The following ZNF548 variants were observed in gnomAD, a reference collection of about 807,000 sequenced individuals.
ZNF548 encodes the protein zinc finger protein 548.
In ZNF548, 10 loss-of-function variants were observed where a neutral mutation model predicts 10.2. The observed-to-expected ratio is 0.98, with a 90% CI of 0.60 to 1.66. ZNF548 has a LOEUF of 1.66. ZNF548 is among the 40% of genes most tolerant of loss of function. The pLI is 0.00. For missense variants in ZNF548, 599 were observed against 657.0 expected (o/e 0.91, Z 0.97); for synonymous variants, 217 against 223.5 (o/e 0.97, Z 0.26).
rs1365101937 is a variant in ZNF548 at position 57,395,825 on chromosome 19, T to C, written c.52-1223T>C. Among the ~76,000 whole-genome samples, 1 of 152,138 alleles carries C rather than the reference T, an allele frequency of 6.6e-6. No homozygotes were observed. Among genetic ancestry groups the C allele is most frequent in the Non-Finnish European group, 1.5e-5 (1 of 68,030 alleles). ...AGGTTTTGGTGGAGAGCAATTTTCC[T>C]GACTGTTTATGGGACAGAGTGTACC... is the stretch of plus-strand genomic sequence containing the variant. On this transcript the variant is annotated intron_variant, in intron 2 of 3. Transcript: ENST00000336128. The surrounding 1 kb of genome is among the most constrained non-coding windows in gnomAD (Gnocchi z 4.8).
chr19:57,397,296 C>A (rs2088673797), intron 3 of ZNF548, 122 bp downstream of exon 3: 2 of 1,383,988 alleles, frequency 1.4e-6, no homozygotes, highest in Non-Finnish European at 1.9e-6. Context: ...TGTTTCTTGG[C>A]ATATATGCTG....
At position 57,399,700 on chromosome 19, in the gene ZNF548, C is replaced by T; in HGVS notation, c.1449C>T (p.His483=). 2 of 1,614,118 alleles carry T rather than the reference C, an allele frequency of 1.2e-6. No individual in the cohort carries two copies. The highest frequency in any genetic ancestry group is 8.5e-7 in the Non-Finnish European group (1 of 1,179,972). Residue 483 remains histidine (H), a synonymous_variant, in exon 4 of 4, where the codon CAC becomes CAT. Coordinates refer to ENST00000336128, the MANE Select transcript of ZNF548 (RefSeq NM_001172773.2). This position sits in a 1 kb window ranked among gnomAD's most constrained non-coding sequence, Gnocchi z 4.0. ...TACTTGTTGAGCACCAGAAAATCCA[C>T]AGTGGAGAAAGACCTTATGAGTGCA... is the stretch of plus-strand genomic sequence containing the variant. ...KHILVEHQKI[H]SGERPYECSE...
chr19:57,393,478 T>C (rs2088641215), intron 1 of ZNF548, among the ~76,000 whole-genome samples: 2 of 150,788 alleles, frequency 1.3e-5, no homozygotes, highest in African/African-American at 4.9e-5. Flanking sequence ...CTGACCAACA[T>C]GGAGAAACCC....
chr19:57,398,586 T>C lies in ZNF548; in HGVS notation c.335T>C (p.Val112Ala). 1.2e-6 allele frequency: 2 copies of C among 1,614,066 alleles called. No homozygotes were observed. The highest frequency in any genetic ancestry group is 2.2e-5 in the East Asian group (1 of 44,890). The change falls in exon 4 of 4, where the codon GTT (valine) becomes GCT (alanine). Residue 112 changes from valine to alanine, a missense_variant. By Grantham distance (64) the Val-to-Ala change is moderately conservative. Coordinates refer to ENST00000336128, the MANE Select transcript of ZNF548 (RefSeq NM_001172773.2). ...GPPLKDILCL[V>A]EHNGIHPEQH... ...CCCTTGAAAGACATTCTGTGCCTGGTTGAGCACAATGGAATTCATCCTGAG... is the reference window on the plus strand; with the variant it reads ...CCCTTGAAAGACATTCTGTGCCTGGCTGAGCACAATGGAATTCATCCTGAG...
Position 57,399,370 on chromosome 19 carries a change from A to C in ZNF548, c.1119A>C (p.Gly373=). 1 of 1,614,168 alleles carries C rather than the reference A, an allele frequency of 6.2e-7. No individual in the cohort carries two copies. Among genetic ancestry groups the C allele is most frequent in the Non-Finnish European group, 8.5e-7 (1 of 1,180,010 alleles). ...TLIRHQRIHT[G]ERPYECSVCG... ...TTAGACATCAGAGAATTCACACTGG[A>C]GAAAGGCCTTATGAGTGCAGTGTAT... Residue 373 remains glycine (G), a synonymous_variant, in exon 4 of 4, where the codon GGA becomes GGC. Coordinates refer to ENST00000336128, the MANE Select transcript of ZNF548 (RefSeq NM_001172773.2). The surrounding 1 kb of genome is among the most constrained non-coding windows in gnomAD (Gnocchi z 4.0).
chr19:57,396,367 C>T (rs2088664548), intron 2 of ZNF548, among the ~76,000 whole-genome samples: 1 of 152,156 alleles, frequency 6.6e-6, no homozygotes, highest in African/African-American at 2.4e-5. Flanking sequence ...CATCTGTTTC[C>T]TCTGTGTGCT....
In ZNF548 at chr19:57,400,872, G is replaced by GT. The variant is rs993646392; in HGVS notation, c.*989dup. The GT allele has an allele frequency of 3.5e-4, 53 of 152,226 alleles. No individual in the cohort carries two copies. Among genetic ancestry groups the GT allele is most frequent in the African/African-American group, 1.2e-3 (48 of 41,544 alleles). The allele number at this position is 152,226 out of a possible 1,614,324, so 9.4% of individuals were successfully genotyped here. A position where few individuals can be genotyped will look rare whatever the true frequency, so the allele number is the denominator to read the frequency against. On this transcript the variant is annotated 3_prime_UTR_variant, in exon 4 of 4. Coordinates refer to ENST00000336128, the MANE Select transcript of ZNF548 (RefSeq NM_001172773.2). The stretch of plus-strand genomic sequence containing the variant: ...TTCATTTTCTATTTCTGTTTTTGGG[G>GT]TTTTTTGTAGTGCCTTTTGTTTTGG...
At position 57,400,437 on chromosome 19, in the gene ZNF548, T is replaced by G. The variant is rs8100473; in HGVS notation, c.*548T>G. On this transcript the variant is annotated 3_prime_UTR_variant, in exon 4 of 4. Coordinates refer to ENST00000336128, the MANE Select transcript of ZNF548 (RefSeq NM_001172773.2). Reference sequence around the variant, plus strand: ...ATCATATAGGATTTCTATTTTTTTTTTTTGTTTGTTTTTGAGACAGAGTCT... The same window carrying G: ...ATCATATAGGATTTCTATTTTTTTTGTTTGTTTGTTTTTGAGACAGAGTCT... 0.23 allele frequency: 34,759 copies of G among 152,424 alleles called. 4,022 individuals are homozygous for G. The highest frequency in any genetic ancestry group is 0.27 in the Middle Eastern group (81 of 296). 9.4% of individuals were successfully genotyped at this position (152,424 alleles called of 1,614,324 possible).
In ZNF548 at chr19:57,400,904, G is replaced by C. The variant is rs951545832; in HGVS notation, c.*1015G>C. 2 of 152,112 alleles carry C rather than the reference G, an allele frequency of 1.3e-5. No homozygotes were observed. The highest frequency in any genetic ancestry group is 4.8e-5 in the African/African-American group (2 of 41,402). The allele number at this position is 152,112 out of a possible 1,614,324, so 9.4% of individuals were successfully genotyped here. On this transcript the variant is annotated 3_prime_UTR_variant, in exon 4 of 4. Coordinates refer to ENST00000336128, the MANE Select transcript of ZNF548 (RefSeq NM_001172773.2). ...GTAGTGCCTTTTGTTTTGGATAGCA[G>C]CTATCTTGTTGGATGTGAGGTGGAA...
At chr19:57,391,666 G>A (rs952162652) in intron 1 of ZNF548, among the ~76,000 whole-genome samples, 1 of 151,974 alleles carries the variant, frequency 6.6e-6, no homozygotes, top group Non-Finnish European at 1.5e-5. Context: ...TCTGACTGGT[G>A]TAAGGAGATA....
At chr19:57,392,781 T>A in intron 1 of ZNF548, 10 of 985,406 alleles carry the variant, frequency 1.0e-5, no homozygotes, top group Non-Finnish European at 1.2e-5. Context: ...TTGAGGGAAA[T>A]CTTGAGGTTG....
At chr19:57,397,022 T>G in intron 2 of ZNF548, 26 bp from the exon 3 acceptor site, 1 of 1,592,906 alleles carries the variant, frequency 6.3e-7, no homozygotes. Context: ...AAGCTGCTTA[T>G]GTATTCATCT....
In ZNF548 at chr19:57,400,019, T is replaced by A. The variant is rs2088702493; in HGVS notation, c.*130T>A. On this transcript the variant is annotated 3_prime_UTR_variant, in exon 4 of 4. Coordinates refer to ENST00000336128, the MANE Select transcript of ZNF548 (RefSeq NM_001172773.2). ...CAACAACTCATTCCCCTTCCCTACTTCCCCAGAAATGTCTCAACTATATTT... is the reference window on the plus strand; with the variant it reads ...CAACAACTCATTCCCCTTCCCTACTACCCCAGAAATGTCTCAACTATATTT... The A allele has an allele frequency of 2.9e-6, 2 of 688,582 alleles. No homozygotes were observed. The highest frequency in any genetic ancestry group is 4.1e-4 in the Middle Eastern group (1 of 2,464). 42.7% of individuals were successfully genotyped at this position (688,582 alleles called of 1,614,324 possible).
rs1156280228 is a variant in ZNF548, at chr19:57,390,187, A to T, written c.15+73A>T. ...CTGAAGCCCCCTGAAGGGGCCCTGC[A>T]GGTCAGGCCCCTTGTCCCGAAGAGA... On this transcript the variant is annotated intron_variant, in intron 1 of 3. Transcript: ENST00000336128. 3.3e-6 allele frequency: 5 copies of T among 1,535,732 alleles called. No homozygotes were observed. In the Admixed American group the frequency reaches 9.1e-5, roughly 28 times the overall value.
In ZNF548 at chr19:57,402,751, T is replaced by C. The variant is rs1464506252; in HGVS notation, c.*2862T>C. The C allele has an allele frequency of 6.6e-6, 1 of 152,192 alleles. No individual in the cohort carries two copies. The highest frequency in any genetic ancestry group is 1.5e-5 in the Non-Finnish European group (1 of 68,040). 9.4% of individuals were successfully genotyped at this position (152,192 alleles called of 1,614,324 possible). A position where few individuals can be genotyped will look rare whatever the true frequency, so the allele number is the denominator to read the frequency against. On this transcript the variant is annotated 3_prime_UTR_variant, in exon 4 of 4. Transcript: ENST00000336128. ...TAGAGCAATGCTTTGGAGATTAGCTTTTTAGGGAGAGAGCCAGCAGTTGAG... is the reference window on the plus strand; with the variant it reads ...TAGAGCAATGCTTTGGAGATTAGCTCTTTAGGGAGAGAGCCAGCAGTTGAG...
At position 57,401,824 on chromosome 19, in the gene ZNF548, C is replaced by T. The variant is rs770493727; in HGVS notation, c.*1935C>T. 8 of 151,774 alleles carry T rather than the reference C, an allele frequency of 5.3e-5. No homozygotes were observed. The highest frequency in any genetic ancestry group is 8.8e-5 in the Non-Finnish European group (6 of 67,992). The allele number at this position is 151,774 out of a possible 1,614,324, so 9.4% of individuals were successfully genotyped here. A position where few individuals can be genotyped will look rare whatever the true frequency, so the allele number is the denominator to read the frequency against. ...TGGAATCTCAGCTCACTACAACCTCCGCCTCCTGGGTTCGAGCCATCACCC... is the reference window on the plus strand; with the variant it reads ...TGGAATCTCAGCTCACTACAACCTCTGCCTCCTGGGTTCGAGCCATCACCC... On this transcript the variant is annotated 3_prime_UTR_variant, in exon 4 of 4. Coordinates refer to ENST00000336128, the MANE Select transcript of ZNF548 (RefSeq NM_001172773.2).
At position 57,399,162 on chromosome 19, in the gene ZNF548, A is replaced by G; in HGVS notation, c.911A>G (p.Tyr304Cys). 6.2e-7 allele frequency: 1 copy of G among 1,614,190 alleles called. No individual in the cohort carries two copies. Among genetic ancestry groups the G allele is most frequent in the South Asian group, 1.1e-5 (1 of 91,084 alleles). The change falls in exon 4 of 4, where the codon TAC (tyrosine) becomes TGC (cysteine). Residue 304 changes from tyrosine (Y) to cysteine (C), a missense_variant. Physicochemically the swap from Tyr to Cys is radical, Grantham distance 194. Coordinates refer to ENST00000336128, the MANE Select transcript of ZNF548 (RefSeq NM_001172773.2). The surrounding 1 kb of genome is among the most constrained non-coding windows in gnomAD (Gnocchi z 4.0). ...AACACATGTGGGAAATTCTTTCGGT[A>G]CAGCTCCACATTTGTTAGACATCAG... ...ECNTCGKFFR[Y>C]SSTFVRHQRV...
Position 57,397,156 on chromosome 19 carries a change from G to T in ZNF548, c.160G>T (p.Ala54Ser). ...CCGTGATGTGATGCTGGAGAATTTGGCCCTTTTGTCCTCACTAGGTAAGGC... is the reference window on the plus strand; with the variant it reads ...CCGTGATGTGATGCTGGAGAATTTGTCCCTTTTGTCCTCACTAGGTAAGGC... ...LYRDVMLENLALLSSLGSWHG... is the reference protein window; with the variant it reads ...LYRDVMLENLSLLSSLGSWHG... The change falls in exon 3 of 4, where the codon GCC (alanine) becomes TCC (serine). Residue 54 changes from alanine (A) to serine (S), a missense_variant. Physicochemically the swap from Ala to Ser is moderately conservative, Grantham distance 99. Transcript: ENST00000336128. The T allele has an allele frequency of 6.2e-7, 1 of 1,610,622 alleles. No individual in the cohort carries two copies. The highest frequency in any genetic ancestry group is 8.5e-7 in the Non-Finnish European group (1 of 1,178,012).
intron 2 of ZNF548, 64 bp downstream of exon 2, chr19:57,394,287 A>C: frequency 6.7e-7 from 1 of 1,500,114 alleles, no homozygotes; most frequent in Non-Finnish European, 9.1e-7. Context: ...TTGGCAGGTG[A>C]CAAAACCTCT....
Sources: allele counts gnomAD v4.1 joint callset (sites outside exome capture counted in the v4.1 genomes callset), GRCh38; gene constraint gnomAD v4.1.1; non-coding constraint Gnocchi (gnomAD v3.1); transcripts MANE v1.5; gene names NCBI Gene and HGNC (gene_info 2026-07-23, HGNC 2026-07-21).